The following PSD3 variants were observed in gnomAD, a reference collection of about 807,000 sequenced individuals.
The protein encoded by PSD3 is pleckstrin and Sec7 domain containing 3.
In PSD3, 49 loss-of-function variants were observed where a neutral mutation model predicts 105.5. That is an observed-to-expected ratio of 0.46 (90% CI 0.37 to 0.59). PSD3 has a LOEUF of 0.59. PSD3 is among the 20% of genes least tolerant of loss of function. The pLI is 0.00. For synonymous variants in PSD3, 557 were observed against 457.8 expected, an observed-to-expected ratio of 1.22 and a Z score of -2.77; for missense variants, 1,561 against 1,263.8, an observed-to-expected ratio of 1.24 and a Z score of -3.57.
chr8:18,875,274 G>C (rs1265932981), intron 2 of PSD3, among the ~76,000 whole-genome samples: 1 of 152,092 alleles, frequency 6.6e-6, no homozygotes, highest in Non-Finnish European at 1.5e-5. Flanking sequence ...ACTTCTCTGG[G>C]ATAGTATTTA....
Position 19,074,603 on chromosome 8 carries a change from ATATATATATTTTTTTTTTTT to A in PSD3, c.324+9583_324+9602del, listed in dbSNP as rs1829391574. 1.2e-4 allele frequency among the ~76,000 whole-genome samples: 7 copies of A among 58,984 alleles called. No individual in the cohort carries two copies. The East Asian group carries it at 2.7e-3, about 22-fold the overall frequency. The allele number at this position is 58,984 out of a possible 152,430, so 38.7% of individuals were successfully genotyped here. A position where few individuals can be genotyped will look rare whatever the true frequency, so the allele number is the denominator to read the frequency against. ...AACTCAGATATATACATATATATAT[ATATATATATTTTTTTTTTTT>A]TTTTTTTTTTTTTTTGAGATGGAGT... is the stretch of plus-strand genomic sequence containing the variant. On this transcript the variant is annotated intron_variant, in intron 1 of 1. Coordinates refer to the PSD3 transcript ENST00000521475.
chr8:18,552,948 A>AT (rs955767702), intron 15 of PSD3, among the ~76,000 whole-genome samples: 8 of 151,692 alleles, frequency 5.3e-5, no homozygotes, highest in Middle Eastern at 3.4e-3. Flanking sequence ...CTCTCTGTAA[A>AT]TTTTTTTTTA....
At chr8:18,538,093 G>T (rs945471719) in intron 15 of PSD3, among the ~76,000 whole-genome samples, 2 of 152,212 alleles carry the variant, frequency 1.3e-5, no homozygotes, top group Non-Finnish European at 2.9e-5. Flanking sequence ...AGGAAAAATG[G>T]AAAGACGGAG....
chr8:18,719,468 G>T (rs1221709889), intron 9 of PSD3, among the ~76,000 whole-genome samples: 2 of 152,088 alleles, frequency 1.3e-5, no homozygotes, highest in African/African-American at 4.8e-5. Context: ...TTTATTATGT[G>T]CTACTAGTCA....
upstream of PSD3, among the ~76,000 whole-genome samples, chr8:19,015,565 C>T (rs1827153850): frequency 6.6e-6 from 1 of 152,222 alleles, no homozygotes; most frequent in African/African-American, 2.4e-5. Flanking sequence ...GGCTTGACCA[C>T]TGGCCTACTG....
rs1585184704 is a variant in PSD3, at chr8:18,532,111, T to C, written c.*3632A>G. 6.6e-6 allele frequency: 1 copy of C among 152,210 alleles called. No homozygotes were observed. Among genetic ancestry groups the C allele is most frequent in the African/African-American group, 2.4e-5 (1 of 41,450 alleles). 9.4% of individuals were successfully genotyped at this position (152,210 alleles called of 1,614,324 possible). A position where few individuals can be genotyped will look rare whatever the true frequency, so the allele number is the denominator to read the frequency against. ...TCAATTTTCTTCCAATTGTCAATGA[T>C]TAGTTAAAAAGAAAAGAGTGCAGCT... is the stretch of plus-strand genomic sequence containing the variant. On this transcript the variant is annotated 3_prime_UTR_variant, in exon 16 of 16. Transcript: ENST00000327040.
intron 12 of PSD3, among the ~76,000 whole-genome samples, chr8:18,587,883 T>A (rs1803309639): frequency 6.6e-6 from 1 of 152,162 alleles, no homozygotes; most frequent in Non-Finnish European, 1.5e-5. Flanking sequence ...CCAAACCACC[T>A]TGTAATCATA....
intron 1 of PSD3, among the ~76,000 whole-genome samples, chr8:19,069,448 T>C (rs1241265953): frequency 1.3e-5 from 2 of 152,160 alleles, no homozygotes; most frequent in Non-Finnish European, 2.9e-5. Context: ...CTAAAAGTGC[T>C]TGGGCAGAAG....
chr8:18,762,313 TC>T (rs1806606564), intron 9 of PSD3, among the ~76,000 whole-genome samples: 1 of 152,134 alleles, frequency 6.6e-6, no homozygotes, highest in South Asian at 2.1e-4. Flanking sequence ...TGTGCCTGCC[TC>T]CCCTTCTGCC....
At chr8:18,905,274 C>A (rs1366357603) in intron 2 of PSD3, among the ~76,000 whole-genome samples, 1 of 152,156 alleles carries the variant, frequency 6.6e-6, no homozygotes, top group East Asian at 1.9e-4. Context: ...ATAACCTGAG[C>A]TCTCAATGAA....
chr8:18,641,440 C>A (rs7015776), intron 10 of PSD3, among the ~76,000 whole-genome samples: 1 of 152,000 alleles, frequency 6.6e-6, no homozygotes, highest in Non-Finnish European at 1.5e-5. Context: ...AAAATATTGG[C>A]TAAAACATTT....
chr8:18,760,976 T>C (rs1300431910), intron 9 of PSD3, among the ~76,000 whole-genome samples: 1 of 152,222 alleles, frequency 6.6e-6, no homozygotes, highest in African/African-American at 2.4e-5. Context: ...TATTCCAGGA[T>C]AATCTTGGGA....
chr8:18,560,977 TACAACATTTATCCTCACAAATGCTGTC>T (rs1318363983), intron 14 of PSD3, among the ~76,000 whole-genome samples: 18 of 152,310 alleles, frequency 1.2e-4, no homozygotes, highest in South Asian at 2.1e-4. Flanking sequence ...CATGTGAGGA[TACAACATTTATCCTCACAAATGCTGTC>T]AGGAAAATCT....
intron 1 of PSD3, among the ~76,000 whole-genome samples, chr8:18,991,202 G>T (rs565205189): frequency 8.0e-4 from 122 of 152,232 alleles, no homozygotes; most frequent in Admixed American, 2.8e-3. Context: ...TGGTTTAGAT[G>T]CAGTATTGAA....
intron 4 of PSD3, among the ~76,000 whole-genome samples, chr8:18,810,020 C>T (rs1811557269): frequency 1.3e-5 from 2 of 152,100 alleles, no homozygotes; most frequent in African/African-American, 4.8e-5. Context: ...TCCAAGCTGA[C>T]CCCAATTTCT....
intron 9 of PSD3, among the ~76,000 whole-genome samples, chr8:18,682,472 T>C (rs941618404): frequency 6.6e-6 from 1 of 152,164 alleles, no homozygotes; most frequent in Admixed American, 6.5e-5. Context: ...ACACTTTCAG[T>C]AGAAGCCAAC....
chr8:19,064,720 C>T (rs1829019894), intron 1 of PSD3, among the ~76,000 whole-genome samples: 2 of 152,148 alleles, frequency 1.3e-5, no homozygotes, highest in South Asian at 4.1e-4. Flanking sequence ...TCTAGTATTG[C>T]TTCATTATTT....
chr8:18,666,911 T>C (rs560549149), intron 9 of PSD3, among the ~76,000 whole-genome samples: 4 of 152,324 alleles, frequency 2.6e-5, no homozygotes, highest in Admixed American at 2.0e-4. Context: ...TTGGTCTCAC[T>C]GACTTCCCTC....
chr8:18,671,341 C>T (rs899927831), intron 9 of PSD3, among the ~76,000 whole-genome samples: 14 of 152,174 alleles, frequency 9.2e-5, no homozygotes, highest in Non-Finnish European at 1.8e-4. Context: ...ACATTTCTAG[C>T]ATAAGCATGC....
Sources: gnomAD v4.1 joint callset for allele counts (sites outside exome capture counted in the v4.1 genomes callset) on GRCh38, gnomAD v4.1.1 for gene constraint, MANE v1.5 for transcripts, NCBI Gene and HGNC (gene_info 2026-07-23, HGNC 2026-07-21) for gene names.